The following RBM20 variants were observed in gnomAD, a reference collection of about 807,000 sequenced individuals.
The protein encoded by RBM20 is RNA binding motif protein 20, also known as RNA-binding protein 20.
In RBM20, 51 loss-of-function variants were observed where a neutral mutation model predicts 110.1. The ratio of observed to expected loss-of-function variants is 0.46; its 90% CI spans 0.37 to 0.59. The LOEUF (loss-of-function observed/expected upper bound fraction) is 0.59. RBM20 is among the 20% of genes least tolerant of loss of function. RBM20 has a pLI of 0.00. For missense variants in RBM20, 1,512 were observed against 1,574.9 expected, an observed-to-expected ratio of 0.96 and a Z score of 0.68; for synonymous variants, 589 against 618.2, an observed-to-expected ratio of 0.95 and a Z score of 0.70.
chr10:110,665,971 C>T (rs1862169107), intron 1 of RBM20, among the ~76,000 whole-genome samples: 1 of 131,670 alleles, frequency 7.6e-6, no homozygotes, highest in Admixed American at 8.1e-5. Context: ...AAAAATTAGC[C>T]CAGTGTGATG....
chr10:110,703,505 G>T (rs573942022), intron 1 of RBM20, among the ~76,000 whole-genome samples: 89 of 152,286 alleles, frequency 5.8e-4, no homozygotes, highest in African/African-American at 2.1e-3. Flanking sequence ...ATAACAGTTT[G>T]CAAAACTGTA....
intron 1 of RBM20, among the ~76,000 whole-genome samples, chr10:110,695,520 G>A (rs139947181): frequency 1.5e-3 from 232 of 152,272 alleles, no homozygotes; most frequent in Non-Finnish European, 2.2e-3. Context: ...AAATGTGTCC[G>A]CCCCTTGCCC....
At chr10:110,813,049 T>C in intron 9 of RBM20, 102 bp downstream of exon 9, 1 of 832,340 alleles carries the variant, frequency 1.2e-6, no homozygotes, top group Non-Finnish European at 1.8e-6. Flanking sequence ...AATGAACATT[T>C]ACTGGCTATT....
At chr10:110,673,960 A>G (rs767379369) in intron 1 of RBM20, among the ~76,000 whole-genome samples, 9 of 152,180 alleles carry the variant, frequency 5.9e-5, no homozygotes, top group Non-Finnish European at 1.3e-4. Flanking sequence ...CTACCAGCAG[A>G]GAAGCTTTCC....
At chr10:110,678,551 G>A (rs988656539) in intron 1 of RBM20, among the ~76,000 whole-genome samples, 2 of 152,142 alleles carry the variant, frequency 1.3e-5, no homozygotes, top group Non-Finnish European at 2.9e-5. Flanking sequence ...GTTTGGTTTT[G>A]GAAAGCACTC....
At chr10:110,815,398 T>C (rs1348162767) in intron 9 of RBM20, among the ~76,000 whole-genome samples, 1 of 152,196 alleles carries the variant, frequency 6.6e-6, no homozygotes, top group Non-Finnish European at 1.5e-5. Flanking sequence ...GAGATGAGAT[T>C]AGGGAAGAGG....
chr10:110,777,677 C>T (rs1844285429), intron 1 of RBM20, among the ~76,000 whole-genome samples: 1 of 152,226 alleles, frequency 6.6e-6, no homozygotes, highest in Non-Finnish European at 1.5e-5. Context: ...CCTGCAAATA[C>T]CCAGCATGGC....
Position 110,823,618 on chromosome 10 carries a change from A to T in RBM20, c.3451+4A>T. ...AGTGAACTTAGCATTCCTCTAGGTA[A>T]GCAAAACACACAGTCTTTCCTGAAA... On this transcript the variant is annotated splice_donor_region_variant and intron_variant, in intron 12 of 13. Transcript: ENST00000369519. 6.4e-7 allele frequency: 1 copy of T among 1,551,404 alleles called. No individual in the cohort carries two copies. Among genetic ancestry groups the T allele is most frequent in the Non-Finnish European group, 8.7e-7 (1 of 1,146,910 alleles).
rs886046717 is a variant in RBM20, at chr10:110,838,126, G to A, written c.*2148G>A. ...CTTTGAGATGACCAGTCTGGTTTTT[G>A]TTCTTTGTGTCTGCTTTCCTCAGCC... On this transcript the variant is annotated 3_prime_UTR_variant, in exon 14 of 14. Coordinates refer to ENST00000369519, the MANE Select transcript of RBM20 (RefSeq NM_001134363.3). The A allele has an allele frequency of 9.2e-5, 14 of 152,272 alleles. No individual in the cohort carries two copies. Among genetic ancestry groups the A allele is most frequent in the Middle Eastern group, 3.4e-3 (1 of 294 alleles). The allele number at this position is 152,272 out of a possible 1,614,324, so 9.4% of individuals were successfully genotyped here. A position where few individuals can be genotyped will look rare whatever the true frequency, so the allele number is the denominator to read the frequency against.
intron 1 of RBM20, among the ~76,000 whole-genome samples, chr10:110,699,784 C>T (rs565768492): frequency 1.3e-5 from 2 of 152,048 alleles, no homozygotes; most frequent in South Asian, 4.2e-4. Context: ...CATAACATGC[C>T]TATGATAAGG....
At chr10:110,807,136 T>C (rs1324987915) in intron 7 of RBM20, among the ~76,000 whole-genome samples, 1 of 152,204 alleles carries the variant, frequency 6.6e-6, no homozygotes, top group Non-Finnish European at 1.5e-5. Context: ...AGCCACATCC[T>C]TCCATCTCTC....
chr10:110,838,585 C>G lies in RBM20; in HGVS notation c.*2607C>G, dbSNP rs529206958. 6.6e-6 allele frequency: 1 copy of G among 152,336 alleles called. No individual in the cohort carries two copies. Among genetic ancestry groups the G allele is most frequent in the African/African-American group, 2.4e-5 (1 of 41,574 alleles). The allele number at this position is 152,336 out of a possible 1,614,324, so 9.4% of individuals were successfully genotyped here. On this transcript the variant is annotated 3_prime_UTR_variant, in exon 14 of 14. Coordinates refer to ENST00000369519, the MANE Select transcript of RBM20 (RefSeq NM_001134363.3). ...TGTACATTATCAGAGAGACTGGACA[C>G]TTTATCCCCTAGCAAAGTGGGAGAA...
chr10:110,700,930 G>C (rs969262138), intron 1 of RBM20, among the ~76,000 whole-genome samples: 2 of 152,100 alleles, frequency 1.3e-5, no homozygotes, highest in Non-Finnish European at 2.9e-5. Context: ...CGGGAGAATC[G>C]CTTGAACCCG....
intron 1 of RBM20, among the ~76,000 whole-genome samples, chr10:110,758,823 T>C (rs112354144): frequency 6.6e-6 from 1 of 152,132 alleles, no homozygotes; most frequent in African/African-American, 2.4e-5. Context: ...GGGAAGGACG[T>C]TTCAGGTAGG....
At chr10:110,727,419 A>AAATAATAAAAAAAAAAAATAAAAAAAAT (rs1554893413) in intron 1 of RBM20, among the ~76,000 whole-genome samples, 13 of 146,802 alleles carry the variant, frequency 8.9e-5, no homozygotes, top group African/African-American at 3.3e-4. Flanking sequence ...AAATAAAAAA[A>AAATAATAAAAAAAAAAAATAAAAAAAAT]AAATAAATAA....
intron 1 of RBM20, among the ~76,000 whole-genome samples, chr10:110,699,438 A>T (rs907672960): frequency 6.6e-6 from 1 of 151,744 alleles, no homozygotes; most frequent in Non-Finnish European, 1.5e-5. Context: ...CGCCTGGCTA[A>T]TTTTTGTATT....
At chr10:110,780,294 G>A (rs1844320155) in intron 1 of RBM20, among the ~76,000 whole-genome samples, 1 of 152,054 alleles carries the variant, frequency 6.6e-6, no homozygotes, top group South Asian at 2.1e-4. Context: ...TTCAACTTTG[G>A]ACTCTTAAAT....
rs1233462240 is a variant in RBM20 at position 110,688,402 on chromosome 10, T to C, written c.191+43757T>C. Among the ~76,000 whole-genome samples, 12 of 152,310 alleles carry C rather than the reference T, an allele frequency of 7.9e-5. No individual in the cohort carries two copies. In the East Asian group the frequency reaches 2.3e-3, roughly 29 times the overall value. On this transcript the variant is annotated intron_variant, in intron 1 of 13. Transcript: ENST00000369519. ...CTGGGTTCAAAGTCTAGCACATGCA[T>C]CATACTTGTTTGTTTTTCAAAATAA...
At chr10:110,750,519 C>A (rs563106969) in intron 1 of RBM20, among the ~76,000 whole-genome samples, 2 of 152,292 alleles carry the variant, frequency 1.3e-5, no homozygotes, top group East Asian at 1.9e-4. Flanking sequence ...GGAAGAGCAT[C>A]GTCACAAGCA....
Sources: gnomAD v4.1 joint callset for allele counts (sites outside exome capture counted in the v4.1 genomes callset) on GRCh38, gnomAD v4.1.1 for gene constraint, MANE v1.5 for transcripts, NCBI Gene and HGNC (gene_info 2026-07-23, HGNC 2026-07-21) for gene names.